The following MSRA variants were observed in gnomAD, a reference collection of about 807,000 sequenced individuals.
MSRA encodes the protein mitochondrial peptide methionine sulfoxide reductase.
A neutral mutation model predicts 31.3 loss-of-function variants in MSRA; 54 were observed. That is an observed-to-expected ratio of 1.73 (90% CI 1.39 to 2.17). MSRA has a LOEUF of 2.17. Ranked by LOEUF, MSRA falls within the 30% of genes most tolerant of loss-of-function variation. The pLI, the probability that MSRA is intolerant of heterozygous loss-of-function variation, is 0.00. For synonymous variants in MSRA, 169 were observed against 116.5 expected, an observed-to-expected ratio of 1.45 and a Z score of -2.90; for missense variants, 507 against 300.9, an observed-to-expected ratio of 1.69 and a Z score of -5.07.
chr8:10,212,387 G>T (rs1809580516), intron 2 of MSRA, among the ~76,000 whole-genome samples: 1 of 152,016 alleles, frequency 6.6e-6, no homozygotes, highest in South Asian at 2.1e-4. Context: ...ATTGCACCAA[G>T]AATAATAAAT....
intron 5 of MSRA, among the ~76,000 whole-genome samples, chr8:10,327,850 G>A (rs9644722): frequency 0.28 from 42,114 of 151,718 alleles, 6,166 homozygotes; most frequent in East Asian, 0.4. Flanking sequence ...GGAGAATGGC[G>A]TGAACCTGGG....
At chr8:10,156,809 CTT>C (rs58761026) in intron 1 of MSRA, among the ~76,000 whole-genome samples, 49 of 125,014 alleles carry the variant, frequency 3.9e-4, no homozygotes, top group Admixed American at 4.9e-4. Context: ...AGCTTCATTC[CTT>C]TTTTTTTTTT....
At chr8:10,337,181 CTT>C (rs575497814) in intron 5 of MSRA, 2 of 145,782 alleles carry the variant, frequency 1.4e-5, no homozygotes, top group Non-Finnish European at 3.0e-5. Context: ...GCCTATGTTA[CTT>C]TTTTTTTTTT....
chr8:10,102,348 G>T (rs1166388399), intron 1 of MSRA, among the ~76,000 whole-genome samples: 1 of 152,148 alleles, frequency 6.6e-6, no homozygotes, highest in Non-Finnish European at 1.5e-5. Context: ...TTACTATTCA[G>T]ATTGCATAAT....
intron 5 of MSRA, among the ~76,000 whole-genome samples, chr8:10,388,121 A>G (rs916943742): frequency 6.6e-6 from 1 of 152,212 alleles, no homozygotes; most frequent in African/African-American, 2.4e-5. Flanking sequence ...TCATATGTAC[A>G]TGGGAGAAAC....
Position 10,054,589 on chromosome 8 carries a change from A to C in MSRA, c.73A>C (p.Asn25His). ...HSLFPVPRMGNSASNIVSPQE... is the reference protein window; with the variant it reads ...HSLFPVPRMGHSASNIVSPQE... Reference sequence around the variant, plus strand: ...CCTCTTTCCCGTCCCGAGGATGGGCAACTCGGCCTCGAACATCGTCAGCCC... The same window carrying C: ...CCTCTTTCCCGTCCCGAGGATGGGCCACTCGGCCTCGAACATCGTCAGCCC... The change falls in exon 1 of 6, where the codon AAC becomes CAC. Residue 25 changes from asparagine to histidine, a missense_variant. Physicochemically the swap from Asn to His is moderately conservative, Grantham distance 68. Coordinates refer to ENST00000317173, the MANE Select transcript of MSRA (RefSeq NM_012331.5). 1 of 1,581,746 alleles carries C rather than the reference A, an allele frequency of 6.3e-7. No individual in the cohort carries two copies. The highest frequency in any genetic ancestry group is 8.6e-7 in the Non-Finnish European group (1 of 1,164,534).
rs1042723300 is a variant in MSRA at position 10,350,248 on chromosome 8, G to A, written c.543+30259G>A. Among the ~76,000 whole-genome samples the A allele has an allele frequency of 3.9e-5, 6 of 152,184 alleles. 1 individual carries two copies. The highest frequency in any genetic ancestry group is 4.1e-4 in the South Asian group (2 of 4,830). ...TTTGCAGATAGCTCTGGTCCCCACC[G>A]TCCATCCCCGCAGTTACTGCATCTT... is the stretch of plus-strand genomic sequence containing the variant. On this transcript the variant is annotated intron_variant, in intron 5 of 5. Coordinates refer to ENST00000317173, the MANE Select transcript of MSRA (RefSeq NM_012331.5).
At chr8:10,104,444 A>G (rs931456051) in intron 1 of MSRA, among the ~76,000 whole-genome samples, 4 of 152,302 alleles carry the variant, frequency 2.6e-5, no homozygotes, top group Non-Finnish European at 4.4e-5. Context: ...ACATCATTCA[A>G]TACCTGTAAG....
chr8:10,086,597 C>G (rs1434782608), intron 1 of MSRA, among the ~76,000 whole-genome samples: 1 of 152,160 alleles, frequency 6.6e-6, no homozygotes, highest in East Asian at 1.9e-4. Context: ...TCCTCCAAAG[C>G]TTAGGTGAGG....
At position 10,309,517 on chromosome 8, in the gene MSRA, T is replaced by A. The variant is rs550917616; in HGVS notation, c.436+7879T>A. On this transcript the variant is annotated intron_variant, in intron 4 of 5. Transcript: ENST00000317173. ...CATGTTCTGATTACCCCTGATGGCTTCCTATTCTTGGTTCACACCCTTTAT... is the reference window on the plus strand; with the variant it reads ...CATGTTCTGATTACCCCTGATGGCTACCTATTCTTGGTTCACACCCTTTAT... Among the ~76,000 whole-genome samples the A allele has an allele frequency of 2.0e-5, 3 of 152,340 alleles. No individual in the cohort carries two copies. The South Asian group carries it at 6.2e-4, about 32-fold the overall frequency.
intron 1 of MSRA, among the ~76,000 whole-genome samples, chr8:10,094,661 C>T (rs1036349377): frequency 6.6e-6 from 1 of 152,174 alleles, no homozygotes; most frequent in African/African-American, 2.4e-5. Context: ...GAATGTGGCT[C>T]TTTTCTATGT....
At chr8:10,229,481 A>C (rs910843602) in intron 2 of MSRA, among the ~76,000 whole-genome samples, 1 of 152,132 alleles carries the variant, frequency 6.6e-6, no homozygotes, top group Non-Finnish European at 1.5e-5. Flanking sequence ...GTACCACAGC[A>C]TGCTGTGATT....
chr8:10,316,328 C>T (rs986161631), intron 4 of MSRA, among the ~76,000 whole-genome samples: 2 of 151,922 alleles, frequency 1.3e-5, no homozygotes, highest in African/African-American at 4.8e-5. Context: ...CAGCACTGGC[C>T]TTCAACAGGC....
intron 2 of MSRA, among the ~76,000 whole-genome samples, chr8:10,237,818 C>T (rs2952238): frequency 0.099 from 14,999 of 152,174 alleles, 899 homozygotes; most frequent in East Asian, 0.19. Context: ...TAATCATGAC[C>T]CATGACTTCC....
intron 1 of MSRA, among the ~76,000 whole-genome samples, chr8:10,139,492 T>C (rs2129030203): frequency 6.6e-6 from 1 of 152,292 alleles, no homozygotes. Flanking sequence ...GTGCATTGTA[T>C]CCATTAAGCA....
At chr8:10,290,031 A>C (rs552327320) in intron 3 of MSRA, among the ~76,000 whole-genome samples, 1 of 152,226 alleles carries the variant, frequency 6.6e-6, no homozygotes, top group South Asian at 2.1e-4. Context: ...AGATATTAGT[A>C]TGCCCATTTT....
intron 5 of MSRA, among the ~76,000 whole-genome samples, chr8:10,346,065 G>T (rs1803755148): frequency 6.6e-6 from 1 of 152,142 alleles, no homozygotes; most frequent in African/African-American, 2.4e-5. Flanking sequence ...ACATGTTTGT[G>T]AGGGCAGCTC....
intron 1 of MSRA, among the ~76,000 whole-genome samples, chr8:10,159,088 A>G (rs768845644): frequency 4.6e-5 from 7 of 152,268 alleles, no homozygotes; most frequent in Non-Finnish European, 8.8e-5. Context: ...ACCAGATACC[A>G]GATGATGGAT....
intron 2 of MSRA, among the ~76,000 whole-genome samples, chr8:10,234,886 A>G (rs1811821315): frequency 6.6e-6 from 1 of 152,080 alleles, no homozygotes; most frequent in African/African-American, 2.4e-5. Flanking sequence ...GGATAATAAG[A>G]CTTGTGTATG....
Sources: gnomAD v4.1 joint callset for allele counts (sites outside exome capture counted in the v4.1 genomes callset) on GRCh38, gnomAD v4.1.1 for gene constraint, MANE v1.5 for transcripts, NCBI Gene and HGNC (gene_info 2026-07-23, HGNC 2026-07-21) for gene names.